Variants in STK3 observed in about 807,000 individuals in gnomAD.
STK3 encodes serine/threonine-protein kinase 3.
A neutral mutation model predicts 58.0 loss-of-function variants in STK3; 41 were observed. The observed-to-expected ratio is 0.71, with a 90% confidence interval of 0.55 to 0.92. The LOEUF (loss-of-function observed/expected upper bound fraction) is 0.92. STK3 is among the 40% of genes least tolerant of loss of function. STK3 has a pLI of 0.00. For synonymous variants in STK3, 170 were observed against 191.0 expected (o/e 0.89, Z 0.91); for missense variants, 479 against 602.7 (o/e 0.79, Z 2.15).
chr8:98,667,160 T>C (rs556433278), intron 6 of STK3, among the ~76,000 whole-genome samples: 3 of 152,164 alleles, frequency 2.0e-5, no homozygotes, highest in South Asian at 4.1e-4. Flanking sequence ...CTCAGGAATT[T>C]TCATGCAAAA....
intron 4 of STK3, among the ~76,000 whole-genome samples, chr8:98,735,094 T>C (rs956174610): frequency 3.9e-5 from 6 of 152,132 alleles, no homozygotes; most frequent in Non-Finnish European, 8.8e-5. Flanking sequence ...TCCACATTAT[T>C]AATACCGAAT....
At chr8:98,402,521 C>G (rs1300678797) in intron 3 of STK3, among the ~76,000 whole-genome samples, 1 of 152,202 alleles carries the variant, frequency 6.6e-6, no homozygotes. Context: ...GTCCCCAGTA[C>G]AGCAGAGCAA....
At chr8:98,749,780 A>G (rs1829858911) in intron 3 of STK3, among the ~76,000 whole-genome samples, 1 of 152,120 alleles carries the variant, frequency 6.6e-6, no homozygotes, top group African/African-American at 2.4e-5. Flanking sequence ...AAAATAATCT[A>G]TATTTCCATG....
intron 1 of STK3, among the ~76,000 whole-genome samples, chr8:98,917,727 CA>C (rs1351200429): frequency 6.6e-6 from 1 of 152,140 alleles, no homozygotes; most frequent in Admixed American, 6.6e-5. Flanking sequence ...TCTGTTATAA[CA>C]ACCCAAACAA....
At chr8:98,384,925 A>G (rs1005767109) in intron 1 of STK3, among the ~76,000 whole-genome samples, 1 of 152,098 alleles carries the variant, frequency 6.6e-6, no homozygotes, top group Non-Finnish European at 1.5e-5. Context: ...AACTGGTGTA[A>G]CCGGGATAAC....
At chr8:98,469,078 C>T (rs1246043326) in intron 10 of STK3, among the ~76,000 whole-genome samples, 3 of 150,820 alleles carry the variant, frequency 2.0e-5, no homozygotes, top group African/African-American at 7.3e-5. Context: ...CACTGCACTT[C>T]AGCCTGGTGA....
At chr8:98,421,443 G>A (rs1358796988) in intron 3 of STK3, among the ~76,000 whole-genome samples, 1 of 152,178 alleles carries the variant, frequency 6.6e-6, no homozygotes, top group Non-Finnish European at 1.5e-5. Context: ...CCTTTGTGGT[G>A]ACTCTAAGTT....
intron 1 of STK3, among the ~76,000 whole-genome samples, chr8:98,777,081 A>G (rs959094185): frequency 6.6e-6 from 1 of 151,922 alleles, no homozygotes; most frequent in Admixed American, 6.5e-5. Context: ...AATTTTAAAA[A>G]TAAATAAATA....
At chr8:98,632,591 C>A (rs540381052) in intron 6 of STK3, among the ~76,000 whole-genome samples, 1 of 152,242 alleles carries the variant, frequency 6.6e-6, no homozygotes, top group South Asian at 2.1e-4. Flanking sequence ...TTCTATTGGA[C>A]ATATGCCATA....
At chr8:98,883,589 C>T (rs374488689), downstream of STK3, 70 of 683,662 alleles carry the variant, frequency 1.0e-4, no homozygotes, top group Middle Eastern at 4.7e-3. Context: ...TCTAAAGGAA[C>T]GCAACACCAA....
chr8:98,698,956 T>C (rs1825272280), intron 6 of STK3, among the ~76,000 whole-genome samples: 1 of 152,176 alleles, frequency 6.6e-6, no homozygotes, highest in Admixed American at 6.5e-5. Context: ...TCCTGCAGAG[T>C]GTTTTCCAAC....
rs995896638 is a variant in STK3 at position 98,587,999 on chromosome 8, C to T, written c.822+8033G>A. Among the ~76,000 whole-genome samples, 7 of 152,238 alleles carry T rather than the reference C, an allele frequency of 4.6e-5. No individual in the cohort carries two copies. The East Asian group carries it at 5.8e-4, about 13-fold the overall frequency. ...TTTTTAGCCTATGTGTGTCTCTGCACGTGAGATGGGTTTCCTCAATACAGC... is the reference window on the plus strand; with the variant it reads ...TTTTTAGCCTATGTGTGTCTCTGCATGTGAGATGGGTTTCCTCAATACAGC... On this transcript the variant is annotated intron_variant, in intron 7 of 10. Coordinates refer to ENST00000419617, the MANE Select transcript of STK3 (RefSeq NM_006281.4).
the STK3 span, among the ~76,000 whole-genome samples, chr8:98,361,328 G>T: frequency 2.0e-5 from 3 of 152,200 alleles, no homozygotes; most frequent in African/African-American, 7.2e-5. Context: ...TTTAAAACAA[G>T]GCATGACCCC....
chr8:98,380,492 AT>A (rs1190181303), intron 1 of STK3, among the ~76,000 whole-genome samples: 4 of 152,114 alleles, frequency 2.6e-5, no homozygotes, highest in Admixed American at 2.6e-4. Flanking sequence ...TGAAACTAAC[AT>A]TTTTTCTCAC....
chr8:98,616,738 G>A (rs1183763835), intron 6 of STK3, among the ~76,000 whole-genome samples: 3 of 151,618 alleles, frequency 2.0e-5, no homozygotes, highest in Non-Finnish European at 4.4e-5. Context: ...ATGGTAAAGG[G>A]ATCAATTCAA....
At chr8:98,700,571 T>A (rs1825496476) in intron 6 of STK3, among the ~76,000 whole-genome samples, 1 of 152,264 alleles carries the variant, frequency 6.6e-6, no homozygotes, top group Non-Finnish European at 1.5e-5. Flanking sequence ...TCATGCTTTA[T>A]GTGAGTTAAA....
chr8:98,649,278 T>C (rs888778206), intron 6 of STK3, among the ~76,000 whole-genome samples: 2 of 152,140 alleles, frequency 1.3e-5, no homozygotes, highest in East Asian at 3.8e-4. Flanking sequence ...TAAATATTTT[T>C]CCCAACCTAC....
intron 1 of STK3, among the ~76,000 whole-genome samples, chr8:98,784,107 G>A (rs1391151386): frequency 6.6e-6 from 1 of 152,170 alleles, no homozygotes; most frequent in Admixed American, 6.5e-5. Flanking sequence ...CTAACTTGGG[G>A]ACAAGCTGAT....
intron 10 of STK3, among the ~76,000 whole-genome samples, chr8:98,512,443 T>C (rs944827745): frequency 5.9e-5 from 9 of 152,158 alleles, no homozygotes; most frequent in African/African-American, 1.9e-4. Context: ...AGTATAATTT[T>C]TGAAGAAGTC....
Sources: gnomAD v4.1 joint callset for allele counts (sites outside exome capture counted in the v4.1 genomes callset) on GRCh38, gnomAD v4.1.1 for gene constraint, MANE v1.5 for transcripts, NCBI Gene and HGNC (gene_info 2026-07-23, HGNC 2026-07-21) for gene names.